Variants in B3GAT2 observed in about 807,000 individuals in gnomAD.
The protein encoded by B3GAT2 is beta-1,3-glucuronyltransferase 2.
Under a neutral mutation model 27.8 loss-of-function variants are expected in B3GAT2, and 26 were observed. The ratio of observed to expected loss-of-function variants is 0.93; its 90% CI spans 0.68 to 1.30. B3GAT2 has a LOEUF of 1.30. Among genes scored for constraint, B3GAT2 ranks in the 50% most tolerant of loss-of-function variants. B3GAT2 has a pLI of 0.00. For synonymous variants in B3GAT2, 218 were observed against 195.1 expected, an observed-to-expected ratio of 1.12 and a Z score of -0.98; for missense variants, 458 against 459.0, an observed-to-expected ratio of 1.00 and a Z score of 0.02.
intron 2 of B3GAT2, among the ~76,000 whole-genome samples, chr6:70,881,362 T>C (rs748577344): frequency 6.6e-6 from 1 of 152,238 alleles, no homozygotes; most frequent in Non-Finnish European, 1.5e-5. Flanking sequence ...ATTCCTATAC[T>C]CTTTCAGTGG....
chr6:70,944,211 C>T (rs971534190), intron 1 of B3GAT2, among the ~76,000 whole-genome samples: 1 of 152,042 alleles, frequency 6.6e-6, no homozygotes, highest in African/African-American at 2.4e-5. Context: ...TAGGGAGTGC[C>T]AGACAGTGGG....
intron 1 of B3GAT2, among the ~76,000 whole-genome samples, chr6:70,900,391 C>T (rs1772477574): frequency 6.7e-6 from 1 of 149,556 alleles, no homozygotes; most frequent in Non-Finnish European, 1.5e-5. Context: ...GTCTGGTGGC[C>T]CTTAACAACA....
intron 1 of B3GAT2, among the ~76,000 whole-genome samples, chr6:70,911,422 T>C (rs1161681702): frequency 6.6e-6 from 1 of 152,134 alleles, no homozygotes; most frequent in African/African-American, 2.4e-5. Flanking sequence ...TTCCCCATTG[T>C]TTGTTTTTGT....
chr6:70,930,679 G>T (rs1215121696), intron 1 of B3GAT2, among the ~76,000 whole-genome samples: 1 of 152,126 alleles, frequency 6.6e-6, no homozygotes, highest in Non-Finnish European at 1.5e-5. Context: ...TAAAAAGTCA[G>T]GAAACAACAG....
At chr6:70,869,226 G>T (rs1222537654) in intron 2 of B3GAT2, among the ~76,000 whole-genome samples, 1 of 152,048 alleles carries the variant, frequency 6.6e-6, no homozygotes, top group Non-Finnish European at 1.5e-5. Flanking sequence ...TGTTGTCCAG[G>T]CTGGTCTCAA....
intron 1 of B3GAT2, among the ~76,000 whole-genome samples, chr6:70,932,015 T>C (rs565740582): frequency 6.6e-6 from 1 of 152,284 alleles, no homozygotes; most frequent in East Asian, 1.9e-4. Context: ...CATGAAAAGA[T>C]GTTCAACATC....
chr6:70,948,979 A>C (rs2150052563), intron 1 of B3GAT2, among the ~76,000 whole-genome samples: 1 of 152,330 alleles, frequency 6.6e-6, no homozygotes, highest in Middle Eastern at 3.4e-3. Context: ...CTATTTAATA[A>C]ATGGTGTTGG....
intron 1 of B3GAT2, among the ~76,000 whole-genome samples, chr6:70,924,378 C>T (rs961715653): frequency 6.6e-6 from 1 of 152,062 alleles, no homozygotes; most frequent in African/African-American, 2.4e-5. Flanking sequence ...ATCAAAATCC[C>T]AATGATGTTT....
chr6:70,902,661 CACACAT>C (rs143933651), intron 1 of B3GAT2, among the ~76,000 whole-genome samples: 21,413 of 148,704 alleles, frequency 0.14, 1,836 homozygotes, highest in East Asian at 0.36. Context: ...CACACACACA[CACACAT>C]ATATATATAT....
intron 1 of B3GAT2, among the ~76,000 whole-genome samples, chr6:70,904,077 G>C (rs918867635): frequency 1.3e-5 from 2 of 152,028 alleles, no homozygotes; most frequent in African/African-American, 2.4e-5. Context: ...ATGAATAATT[G>C]GTATGCATAA....
At chr6:70,922,955 G>A (rs1389378791) in intron 1 of B3GAT2, among the ~76,000 whole-genome samples, 2 of 152,142 alleles carry the variant, frequency 1.3e-5, no homozygotes, top group South Asian at 2.1e-4. Context: ...ATAAGACACT[G>A]TATGACCATT....
chr6:70,858,426 C>CCCTATTTTA lies in B3GAT2; in HGVS notation c.*3236_*3237insTAAAATAGG. Reference sequence around the variant, plus strand: ...AGATAGACAAATGATGTGTTATTATCGCTATTTTAGAGTATTCTGTAAAAA... The same window carrying CCCTATTTTA: ...AGATAGACAAATGATGTGTTATTATCCCTATTTTAGCTATTTTAGAGTATTCTGTAAAAA... On this transcript the variant is annotated 3_prime_UTR_variant, in exon 4 of 4. Transcript: ENST00000230053. The CCCTATTTTA allele has an allele frequency of 1.9e-6, 1 of 513,708 alleles. No homozygotes were observed. The highest frequency in any genetic ancestry group is 2.0e-5 in the African/African-American group (1 of 49,496). 31.8% of individuals were successfully genotyped at this position (513,708 alleles called of 1,614,324 possible). A position where few individuals can be genotyped will look rare whatever the true frequency, so the allele number is the denominator to read the frequency against.
intron 1 of B3GAT2, among the ~76,000 whole-genome samples, chr6:70,946,796 C>A (rs1403071098): frequency 6.6e-6 from 1 of 151,420 alleles, no homozygotes; most frequent in Non-Finnish European, 1.5e-5. Context: ...CAGCACCACA[C>A]CACACCTATT....
Position 70,861,765 on chromosome 6 carries a change from A to G in B3GAT2, c.886-16T>C. ...ACACGAGAACCTGAAGGGGAAGGAA[A>G]TAGCTTGGGTAGCGCACTCTTCATG... is the stretch of plus-strand genomic sequence containing the variant. On this transcript the variant is annotated splice_polypyrimidine_tract_variant and intron_variant, in intron 3 of 3. Transcript: ENST00000230053. 1 of 1,614,076 alleles carries G rather than the reference A, an allele frequency of 6.2e-7. No homozygotes were observed. Among genetic ancestry groups the G allele is most frequent in the Non-Finnish European group, 8.5e-7 (1 of 1,179,964 alleles).
rs1158516105 is a variant in B3GAT2, at chr6:70,956,459, CCA to C, written c.-32_-31del. ...CACGCTCCCTGGCCTCTCGGACACC[CCA>C]GAGAGGGGCGAGCCGAGGGACCCCA... is the stretch of plus-strand genomic sequence containing the variant. On this transcript the variant is annotated 5_prime_UTR_variant, in exon 1 of 4. Transcript: ENST00000230053. The C allele has an allele frequency of 6.5e-7, 1 of 1,549,992 alleles. No individual in the cohort carries two copies. Among genetic ancestry groups the C allele is most frequent in the East Asian group, 2.4e-5 (1 of 40,904 alleles).
intron 1 of B3GAT2, among the ~76,000 whole-genome samples, chr6:70,913,431 C>A (rs959199150): frequency 1.3e-5 from 2 of 152,028 alleles, no homozygotes; most frequent in Non-Finnish European, 2.9e-5. Flanking sequence ...CAAAAAATGT[C>A]TTGATTTCTG....
At chr6:70,942,701 C>T (rs183360573) in intron 1 of B3GAT2, among the ~76,000 whole-genome samples, 55 of 152,294 alleles carry the variant, frequency 3.6e-4, no homozygotes, top group Admixed American at 1.2e-3. Flanking sequence ...TAATTAAGCA[C>T]AGTGCCTTGT....
At chr6:70,934,433 G>A (rs759657931) in intron 1 of B3GAT2, among the ~76,000 whole-genome samples, 2 of 135,900 alleles carry the variant, frequency 1.5e-5, no homozygotes, top group African/African-American at 2.7e-5. Flanking sequence ...ATCCTGTATT[G>A]TTATTAAATG....
chr6:70,856,833 A>T lies in B3GAT2; in HGVS notation c.*4830T>A. On this transcript the variant is annotated 3_prime_UTR_variant, in exon 4 of 4. Coordinates refer to ENST00000230053, the MANE Select transcript of B3GAT2 (RefSeq NM_080742.3). ...GCTGCGCTTTACTATGCAGAATTTG[A>T]TAGCTTATTTTGGTGTTTGTCTCAG... The T allele has an allele frequency of 6.4e-7, 1 of 1,571,788 alleles. No individual in the cohort carries two copies. Among genetic ancestry groups the T allele is most frequent in the Non-Finnish European group, 8.6e-7 (1 of 1,159,372 alleles).
Sources: allele counts gnomAD v4.1 joint callset (sites outside exome capture counted in the v4.1 genomes callset), GRCh38; gene constraint gnomAD v4.1.1; transcripts MANE v1.5; gene names NCBI Gene and HGNC (gene_info 2026-07-23, HGNC 2026-07-21).